The following PCDH11X variants were observed in gnomAD, a reference collection of about 807,000 sequenced individuals.
PCDH11X encodes protocadherin-11 X-linked.
A neutral mutation model predicts 53.3 loss-of-function variants in PCDH11X; 18 were observed. The ratio of observed to expected loss-of-function variants is 0.34; its 90% CI spans 0.23 to 0.50. The LOEUF is 0.50. Ranked by LOEUF, PCDH11X falls within the 20% of genes least tolerant of loss-of-function variation. The pLI is 0.98. For synonymous variants in PCDH11X, 279 were observed against 393.3 expected (o/e 0.71, Z 3.44); for missense variants, 570 against 1,032.4 (o/e 0.55, Z 6.14).
At chrX:92,116,688 C>A (rs768905776) in intron 6 of PCDH11X, among the ~76,000 whole-genome samples, 1 of 110,974 alleles carries the variant, frequency 9.0e-6, no homozygotes, top group Admixed American at 9.7e-5. Context: ...TAGGCTCAAG[C>A]GATCCTCACT....
In PCDH11X at chrX:92,303,745, C is replaced by T. The variant is rs145490096; in HGVS notation, c.3144+40602C>T. Among the ~76,000 whole-genome samples, 279 of 111,298 alleles carry T rather than the reference C, an allele frequency of 2.5e-3. 2 individuals carry two copies. Among genetic ancestry groups the T allele is most frequent in the African/African-American group, 8.8e-3 (271 of 30,673 alleles). Reference sequence around the variant, plus strand: ...TTCTCATTTTAAAAATATCATTTTACATAGTAATTTTCATACTAAGACACT... The same window carrying T: ...TTCTCATTTTAAAAATATCATTTTATATAGTAATTTTCATACTAAGACACT... On this transcript the variant is annotated intron_variant, in intron 8 of 10. Transcript: ENST00000682573.
chrX:92,006,947 CCAAA>C (rs2062609873), intron 6 of PCDH11X, among the ~76,000 whole-genome samples: 2 of 111,407 alleles, frequency 1.8e-5, no homozygotes, highest in East Asian at 2.9e-4. Context: ...TTACATTCCC[CCAAA>C]CAAACAGAGT....
chrX:92,092,431 C>T (rs1000651657), intron 6 of PCDH11X, among the ~76,000 whole-genome samples: 3 of 110,896 alleles, frequency 2.7e-5, no homozygotes, highest in African/African-American at 9.8e-5. Flanking sequence ...CCATGACAGC[C>T]CCAGGAGGTC....
rs768616868 is a variant in PCDH11X at position 92,589,498 on chromosome X, CA to C, written c.3368-28764del. On this transcript the variant is annotated intron_variant, in intron 10 of 10. Transcript: ENST00000682573. ...TTTACTTTTTGCTTGTTTGTTTATG[CA>C]AGTACTGTTAAGTTTTTACCACCTT... Among the ~76,000 whole-genome samples the C allele has an allele frequency of 6.3e-5, 7 of 111,623 alleles. No homozygotes were observed. In the East Asian group the frequency reaches 2.0e-3, roughly 31 times the overall value.
At chrX:91,800,942 G>A (rs1412930065) in intron 1 of PCDH11X, among the ~76,000 whole-genome samples, 1 of 107,901 alleles carries the variant, frequency 9.3e-6, no homozygotes, top group African/African-American at 3.4e-5. Context: ...ATTTTGGGAG[G>A]TGGAGTGGGG....
At chrX:92,490,648 A>C (rs1295181349) in intron 10 of PCDH11X, among the ~76,000 whole-genome samples, 1 of 109,601 alleles carries the variant, frequency 9.1e-6, no homozygotes, top group Non-Finnish European at 1.9e-5. Flanking sequence ...GAACAGTGAC[A>C]CTGAACTTTT....
chrX:91,849,317 T>C (rs1445207012), intron 5 of PCDH11X, among the ~76,000 whole-genome samples: 9 of 110,462 alleles, frequency 8.1e-5, no homozygotes, highest in Non-Finnish European at 1.5e-4. Flanking sequence ...GGAGTACATG[T>C]GCAGGTTTGT....
chrX:92,178,514 A>T (rs1366483975), intron 6 of PCDH11X, among the ~76,000 whole-genome samples: 1 of 112,112 alleles, frequency 8.9e-6, no homozygotes. Flanking sequence ...TAACAAATTC[A>T]GGCAATTTGT....
chrX:91,908,005 T>C (rs1379427933), intron 6 of PCDH11X, among the ~76,000 whole-genome samples: 1 of 111,953 alleles, frequency 8.9e-6, no homozygotes, highest in Non-Finnish European at 1.9e-5. Context: ...GGTATACATG[T>C]ACCACATTTT....
intron 6 of PCDH11X, among the ~76,000 whole-genome samples, chrX:91,985,229 G>A (rs1306687767): frequency 5.3e-5 from 6 of 112,265 alleles, no homozygotes; most frequent in East Asian, 2.8e-4. Context: ...TTGTCCGGCC[G>A]GGTGTGGTGG....
intron 5 of PCDH11X, among the ~76,000 whole-genome samples, chrX:91,850,916 A>G (rs1223709351): frequency 8.9e-6 from 1 of 111,765 alleles, no homozygotes; most frequent in Non-Finnish European, 1.9e-5. Context: ...CATTTATTGT[A>G]TAACCCTTAA....
intron 8 of PCDH11X, among the ~76,000 whole-genome samples, chrX:92,290,420 A>G: frequency 8.9e-6 from 1 of 111,845 alleles, no homozygotes. Context: ...TGTTTTAACC[A>G]GGTTCCACTT....
At chrX:92,478,476 A>AT (rs1008954772) in intron 10 of PCDH11X, among the ~76,000 whole-genome samples, 2 of 110,299 alleles carry the variant, frequency 1.8e-5, no homozygotes, top group Non-Finnish European at 1.9e-5. Context: ...TTCAATTGAG[A>AT]TTTTTTTAAC....
intron 8 of PCDH11X, among the ~76,000 whole-genome samples, chrX:92,339,826 G>C: frequency 9.3e-6 from 1 of 108,006 alleles, no homozygotes; most frequent in Middle Eastern, 4.8e-3. Context: ...TCCACTCTTG[G>C]CCCCCTCAAA....
chrX:92,397,846 C>A (rs1461654936), intron 9 of PCDH11X, among the ~76,000 whole-genome samples: 1 of 111,640 alleles, frequency 9.0e-6, no homozygotes, highest in African/African-American at 3.3e-5. Context: ...TAGTTTAAAT[C>A]CATTGCAAAC....
At chrX:92,211,979 G>T (rs1455116401) in intron 7 of PCDH11X, among the ~76,000 whole-genome samples, 4 of 93,268 alleles carry the variant, frequency 4.3e-5, no homozygotes, top group African/African-American at 1.6e-4. Flanking sequence ...TTCAATTTGT[G>T]TCTATGTGGT....
chrX:92,478,820 C>T (rs2750793), intron 10 of PCDH11X, among the ~76,000 whole-genome samples: 81 of 110,397 alleles, frequency 7.3e-4, no homozygotes, highest in African/African-American at 2.6e-3. Flanking sequence ...GAGTATGTGC[C>T]GAGTGGCATT....
intron 6 of PCDH11X, among the ~76,000 whole-genome samples, chrX:92,041,925 C>T (rs1417842038): frequency 8.9e-6 from 1 of 112,248 alleles, no homozygotes; most frequent in Non-Finnish European, 1.9e-5. Context: ...GCTGAGATCA[C>T]ACCACTGCAC....
At chrX:92,362,275 T>G (rs2070364558) in intron 8 of PCDH11X, among the ~76,000 whole-genome samples, 1 of 102,158 alleles carries the variant, frequency 9.8e-6, no homozygotes, top group Admixed American at 1.1e-4. Flanking sequence ...GATTTCACTT[T>G]CTTCACATCC....
Sources: gnomAD v4.1 joint callset for allele counts (sites outside exome capture counted in the v4.1 genomes callset) on GRCh38, gnomAD v4.1.1 for gene constraint, MANE v1.5 for transcripts, NCBI Gene and HGNC (gene_info 2026-07-23, HGNC 2026-07-21) for gene names.